MIA2: variants seen among roughly 807,000 people sequenced by gnomAD.
The protein encoded by MIA2 is MIA SH3 domain ER export factor 2.
A neutral mutation model predicts 167.8 loss-of-function variants in MIA2; 127 were observed. That is an observed-to-expected ratio of 0.76 (90% CI 0.66 to 0.88). MIA2 has a LOEUF of 0.88. Among genes scored for constraint, MIA2 ranks in the 40% least tolerant of loss-of-function variants. The pLI is 0.00. For missense variants in MIA2, 1,690 were observed against 1,624.7 expected, an observed-to-expected ratio of 1.04 and a Z score of -0.69; for synonymous variants, 552 against 541.9, an observed-to-expected ratio of 1.02 and a Z score of -0.26.
At chr14:39,338,280 T>C (rs1289644786) in intron 25 of MIA2, among the ~76,000 whole-genome samples, 1 of 152,250 alleles carries the variant, frequency 6.6e-6, no homozygotes, top group South Asian at 2.1e-4. Flanking sequence ...ACTATAGTTA[T>C]GAAAGACGTA....
downstream of MIA2, among the ~76,000 whole-genome samples, chr14:39,353,869 C>T (rs1388561919): frequency 1.3e-5 from 2 of 152,332 alleles, no homozygotes; most frequent in East Asian, 1.9e-4. Context: ...CCAGCTTCAT[C>T]CATGTCCCTA....
rs571688033 is a variant in MIA2, at chr14:39,348,158, T to G, written c.3837+387T>G. Among the ~76,000 whole-genome samples the G allele has an allele frequency of 2.0e-5, 3 of 152,350 alleles. No individual in the cohort carries two copies. In the South Asian group the frequency reaches 6.2e-4, roughly 32 times the overall value. On this transcript the variant is annotated intron_variant, in intron 27 of 28. Transcript: ENST00000640607. ...TGTGCCTTCTAATCTCATGCTTTAC[T>G]AGAATAGAAATATAGCTAATAATCT...
downstream of MIA2, among the ~76,000 whole-genome samples, chr14:39,354,343 G>T (rs147961398): frequency 1.8e-4 from 28 of 152,216 alleles, no homozygotes; most frequent in African/African-American, 6.0e-4. Flanking sequence ...TCATGTGTCT[G>T]TAGGCTGCAT....
chr14:39,383,879 T>C (rs1020944810), intron 23 of MIA2, among the ~76,000 whole-genome samples: 19 of 152,188 alleles, frequency 1.2e-4, no homozygotes, highest in African/African-American at 4.1e-4. Flanking sequence ...GGAGAAAAGT[T>C]TGATGCTAGC....
chr14:39,375,840 G>A (rs2075033661), intron 23 of MIA2, among the ~76,000 whole-genome samples: 1 of 152,214 alleles, frequency 6.6e-6, no homozygotes, highest in African/African-American at 2.4e-5. Flanking sequence ...TTGAAATTAT[G>A]AATCTTGTTT....
chr14:39,290,052 A>T (rs982575190), intron 9 of MIA2, among the ~76,000 whole-genome samples: 3 of 152,104 alleles, frequency 2.0e-5, no homozygotes, highest in Non-Finnish European at 1.5e-5. Context: ...CCTTTATCAC[A>T]CCTGGACATT....
At chr14:39,383,340 T>A (rs2075207122) in intron 23 of MIA2, among the ~76,000 whole-genome samples, 1 of 152,246 alleles carries the variant, frequency 6.6e-6, no homozygotes, top group East Asian at 1.9e-4. Flanking sequence ...CTATGATCAG[T>A]CATCTTTGAT....
intron 25 of MIA2, among the ~76,000 whole-genome samples, chr14:39,334,471 CA>C (rs374676622): frequency 9.1e-5 from 13 of 143,528 alleles, no homozygotes; most frequent in African/African-American, 2.0e-4. Flanking sequence ...GAGACTCTCT[CA>C]AAAAAAAAAT....
rs75221246 is a variant in MIA2 at position 39,290,766 on chromosome 14, C to G, written c.2131-253C>G. Among the ~76,000 whole-genome samples the G allele has an allele frequency of 3.5e-3, 527 of 152,244 alleles. 1 individual carries two copies. The highest frequency in any genetic ancestry group is 0.012 in the African/African-American group (496 of 41,550). The stretch of plus-strand genomic sequence containing the variant: ...CTAATATGAGTTATAGTCCTATGTT[C>G]TCTGAGAAGCAGACTTTACTCTTAG... On this transcript the variant is annotated intron_variant, in intron 9 of 28. Transcript: ENST00000640607.
At chr14:39,322,368 C>T (rs1231545534) in intron 24 of MIA2, among the ~76,000 whole-genome samples, 1 of 151,820 alleles carries the variant, frequency 6.6e-6, no homozygotes, top group African/African-American at 2.4e-5. Context: ...TGGTGAAACC[C>T]TGTCTCTACT....
intron 9 of MIA2, among the ~76,000 whole-genome samples, chr14:39,280,630 G>A (rs1412363279): frequency 1.3e-5 from 2 of 152,130 alleles, no homozygotes; most frequent in Non-Finnish European, 2.9e-5. Flanking sequence ...CTACTCGGGA[G>A]GCTGAGGCAG....
chr14:39,257,715 C>G (rs1156645128), intron 6 of MIA2, among the ~76,000 whole-genome samples: 1 of 152,116 alleles, frequency 6.6e-6, no homozygotes, highest in South Asian at 2.1e-4. Flanking sequence ...TTTGCAGTGG[C>G]TGGTACCAGT....
chr14:39,340,680 T>C (rs2071604361), intron 25 of MIA2, among the ~76,000 whole-genome samples: 1 of 152,216 alleles, frequency 6.6e-6, no homozygotes, highest in Non-Finnish European at 1.5e-5. Flanking sequence ...TCGTGGTATA[T>C]ATGCTTTTAT....
rs1273347609 is a variant in MIA2, at chr14:39,263,556, T to TC, written c.1887+10386dup. Among the ~76,000 whole-genome samples the TC allele has an allele frequency of 2.0e-3, 265 of 132,752 alleles. 1 individual carries two copies. Among genetic ancestry groups the TC allele is most frequent in the Non-Finnish European group, 2.5e-3 (163 of 64,916 alleles). 87.1% of individuals were successfully genotyped at this position (132,752 alleles called of 152,430 possible). On this transcript the variant is annotated intron_variant, in intron 6 of 28. Transcript: ENST00000640607. ...AGCATCTTTCTTTTCTTTTCTTTCTTCTTTTCCTTTCCTTTCCTTTCCTTT... is the reference window on the plus strand; with the variant it reads ...AGCATCTTTCTTTTCTTTTCTTTCTTCCTTTTCCTTTCCTTTCCTTTCCTTT...
At chr14:39,328,584 T>G (rs2068077798) in intron 25 of MIA2, among the ~76,000 whole-genome samples, 1 of 152,196 alleles carries the variant, frequency 6.6e-6, no homozygotes, top group Admixed American at 6.5e-5. Flanking sequence ...TCTTGTAGGG[T>G]TTTTATGGTT....
At chr14:39,263,262 T>C (rs1375077684) in intron 6 of MIA2, among the ~76,000 whole-genome samples, 3 of 152,230 alleles carry the variant, frequency 2.0e-5, no homozygotes. Flanking sequence ...TTTCTGCATG[T>C]ATTGAGATAA....
rs145482234 is a variant in MIA2 at position 39,382,520 on chromosome 14, G to T, written c.2249-4365G>T. Among the ~76,000 whole-genome samples, 270 of 152,342 alleles carry T rather than the reference G, an allele frequency of 1.8e-3. 1 individual carries two copies. The highest frequency in any genetic ancestry group is 6.0e-3 in the African/African-American group (248 of 41,582). On this transcript the variant is annotated intron_variant, in intron 23 of 23. Coordinates refer to the MIA2 transcript ENST00000341502. Reference sequence around the variant, plus strand: ...CTTCAGTATTTAAAGGGGAAAAGCAGGCTGGAGGGGAAATTGGGAGAGTAT... The same window carrying T: ...CTTCAGTATTTAAAGGGGAAAAGCATGCTGGAGGGGAAATTGGGAGAGTAT...
intron 14 of MIA2, among the ~76,000 whole-genome samples, chr14:39,300,387 A>G (rs921655436): frequency 1.3e-5 from 2 of 152,116 alleles, no homozygotes; most frequent in Non-Finnish European, 2.9e-5. Flanking sequence ...GATGGAGAGG[A>G]ATACTTTTAA....
chr14:39,304,392 G>T lies in MIA2; in HGVS notation c.2878+11G>T. The T allele has an allele frequency of 1.4e-6, 2 of 1,422,044 alleles. No homozygotes were observed. Among genetic ancestry groups the T allele is most frequent in the South Asian group, 1.3e-5 (1 of 75,150 alleles). The allele number at this position is 1,422,044 out of a possible 1,614,324, so 88.1% of individuals were successfully genotyped here. A position where few individuals can be genotyped will look rare whatever the true frequency, so the allele number is the denominator to read the frequency against. On this transcript the variant is annotated intron_variant, in intron 17 of 28. Transcript: ENST00000640607. ...AGGAAGAGCTTACAGGTAGGTCATT[G>T]ACATACATACTTTTAATGTTTTTCT...
Sources: allele counts gnomAD v4.1 joint callset (sites outside exome capture counted in the v4.1 genomes callset), GRCh38; gene constraint gnomAD v4.1.1; transcripts MANE v1.5; gene names NCBI Gene and HGNC (gene_info 2026-07-23, HGNC 2026-07-21).